Variants in PSMB2 observed in about 807,000 individuals in gnomAD.
PSMB2 encodes proteasome subunit beta type-2.
A neutral mutation model predicts 25.7 loss-of-function variants in PSMB2; 13 were observed. That is an observed-to-expected ratio of 0.51 (90% CI 0.33 to 0.80). The LOEUF (loss-of-function observed/expected upper bound fraction) is 0.80, where lower values mean the gene tolerates loss of function less well. Among genes scored for constraint, PSMB2 ranks in the 30% least tolerant of loss-of-function variants. The pLI is 0.02. For synonymous variants in PSMB2, 87 were observed against 96.2 expected, an observed-to-expected ratio of 0.90 and a Z score of 0.56; for missense variants, 202 against 259.0, an observed-to-expected ratio of 0.78 and a Z score of 1.51.
At chr1:35,627,131 T>C (rs914961442) in intron 3 of PSMB2, among the ~76,000 whole-genome samples, 3 of 151,548 alleles carry the variant, frequency 2.0e-5, no homozygotes, top group Non-Finnish European at 4.4e-5. Flanking sequence ...ACCAGCATGG[T>C]GGCTTGGCGC....
intron 3 of PSMB2, among the ~76,000 whole-genome samples, chr1:35,626,116 G>T (rs1011610192): frequency 5.3e-5 from 8 of 152,150 alleles, no homozygotes; most frequent in African/African-American, 1.9e-4. Flanking sequence ...AGGATTACCG[G>T]CATGAGCCAC....
At chr1:35,608,816 T>C (rs977310736) in intron 4 of PSMB2, among the ~76,000 whole-genome samples, 7 of 152,212 alleles carry the variant, frequency 4.6e-5, no homozygotes, top group African/African-American at 9.7e-5. Flanking sequence ...TGGGGACCTG[T>C]TCATCCTTGC....
At chr1:35,617,594 A>G (rs1025195513) in intron 3 of PSMB2, among the ~76,000 whole-genome samples, 2 of 152,200 alleles carry the variant, frequency 1.3e-5, no homozygotes, top group African/African-American at 4.8e-5. Context: ...TTGTATGAGA[A>G]GCATCATGCG....
At chr1:35,613,240 C>G (rs547179587) in intron 3 of PSMB2, among the ~76,000 whole-genome samples, 2 of 152,338 alleles carry the variant, frequency 1.3e-5, no homozygotes, top group Non-Finnish European at 2.9e-5. Context: ...CAATGCTCCA[C>G]CAAAGATCTC....
Position 35,600,483 on chromosome 1 carries a change from A to G in PSMB2, c.*2784T>C. On this transcript the variant is annotated 3_prime_UTR_variant, in exon 6 of 6. Transcript: ENST00000373237. The stretch of plus-strand genomic sequence containing the variant: ...TATTATCTTTGCAACTTTTCTGTAA[A>G]ACCAAATTTATTCCAAAATAAAACA... 1 of 972,458 alleles carries G rather than the reference A, an allele frequency of 1.0e-6. No homozygotes were observed. Among genetic ancestry groups the G allele is most frequent in the Non-Finnish European group, 1.2e-6 (1 of 818,158 alleles). 60.2% of individuals were successfully genotyped at this position (972,458 alleles called of 1,614,324 possible).
At chr1:35,621,833 T>G (rs1557453160) in intron 3 of PSMB2, among the ~76,000 whole-genome samples, 1 of 151,926 alleles carries the variant, frequency 6.6e-6, no homozygotes, top group African/African-American at 2.4e-5. Context: ...CCATCTCTAC[T>G]AAAAATACAA....
intron 3 of PSMB2, among the ~76,000 whole-genome samples, chr1:35,624,247 T>C (rs1442262798): frequency 6.6e-6 from 1 of 152,182 alleles, no homozygotes; most frequent in Non-Finnish European, 1.5e-5. Flanking sequence ...ATTTGGGGGC[T>C]GGAACAAACC....
At chr1:35,609,466 C>T in intron 3 of PSMB2, 58 bp from the exon 4 acceptor site, 1 of 1,329,824 alleles carries the variant, frequency 7.5e-7, no homozygotes, top group South Asian at 1.8e-5. Context: ...CATCTCTTCC[C>T]ATGGCAAATG....
intron 1 of PSMB2, among the ~76,000 whole-genome samples, chr1:35,638,188 G>A (rs1353923249): frequency 6.6e-6 from 1 of 152,130 alleles, no homozygotes; most frequent in African/African-American, 2.4e-5. Flanking sequence ...TTTAAACACT[G>A]AATATGTCCA....
At chr1:35,630,587 G>A (rs1651060439) in intron 3 of PSMB2, among the ~76,000 whole-genome samples, 1 of 152,214 alleles carries the variant, frequency 6.6e-6, no homozygotes, top group Non-Finnish European at 1.5e-5. Context: ...AAGCCAATCT[G>A]AAAAGGCTGC....
chr1:35,628,432 G>C (rs930072170), intron 3 of PSMB2, among the ~76,000 whole-genome samples: 1 of 151,238 alleles, frequency 6.6e-6, no homozygotes, highest in South Asian at 2.1e-4. Context: ...TGCCTGATAA[G>C]TCAGAGGAAC....
At chr1:35,603,517 A>G (rs1372911749) in intron 5 of PSMB2, 143 bp from the exon 6 acceptor site, 9 of 988,632 alleles carry the variant, frequency 9.1e-6, no homozygotes, top group African/African-American at 3.3e-5. Flanking sequence ...AGTTGGCAGT[A>G]GGGCACTAGT....
At chr1:35,610,170 A>G (rs1324873799) in intron 3 of PSMB2, among the ~76,000 whole-genome samples, 1 of 152,210 alleles carries the variant, frequency 6.6e-6, no homozygotes, top group African/African-American at 2.4e-5. Context: ...TGGGCACAGT[A>G]GCTCACAGGT....
chr1:35,640,059 A>ACT (rs9330259), intron 1 of PSMB2, among the ~76,000 whole-genome samples: 116,818 of 146,298 alleles, frequency 0.8, 46,354 homozygotes, highest in Non-Finnish European at 0.84. Flanking sequence ...TAAGTACTAT[A>ACT]ATATACTATA....
At position 35,640,087 on chromosome 1, in the gene PSMB2, A is replaced by ATACTATACTATACTATACTGTACTG. The variant is rs1553126272; in HGVS notation, c.91+1254_91+1255insCAGTACAGTATAGTATAGTATAGTA. ...ATACTATACTATACTATACTATACT[A>ATACTATACTATACTATACTGTACTG]TACTATACTATACTATCTATACTAA... On this transcript the variant is annotated intron_variant, in intron 1 of 5. Coordinates refer to ENST00000373237, the MANE Select transcript of PSMB2 (RefSeq NM_002794.5). 6.9e-3 allele frequency among the ~76,000 whole-genome samples: 1,051 copies of ATACTATACTATACTATACTGTACTG among 151,768 alleles called. 10 individuals are homozygous for ATACTATACTATACTATACTGTACTG. The highest frequency in any genetic ancestry group is 0.027 in the East Asian group (138 of 5,174).
chr1:35,628,631 A>AT (rs138110586), intron 3 of PSMB2, among the ~76,000 whole-genome samples: 2 of 38,084 alleles, frequency 5.3e-5, no homozygotes, highest in African/African-American at 1.3e-4. Context: ...ATATATATAT[A>AT]TTTTTTTTTT....
At chr1:35,607,174 CA>C (rs1265496810) in intron 4 of PSMB2, among the ~76,000 whole-genome samples, 1 of 151,966 alleles carries the variant, frequency 6.6e-6, no homozygotes, top group Non-Finnish European at 1.5e-5. Context: ...GCAACAAAAG[CA>C]AAAATAAACA....
rs1214578650 is a variant in PSMB2, at chr1:35,599,546, T to C, written c.*3721A>G. 1.1e-5 allele frequency: 11 copies of C among 982,936 alleles called. No homozygotes were observed. The highest frequency in any genetic ancestry group is 1.3e-5 in the Non-Finnish European group (11 of 827,812). 60.9% of individuals were successfully genotyped at this position (982,936 alleles called of 1,614,324 possible). A position where few individuals can be genotyped will look rare whatever the true frequency, so the allele number is the denominator to read the frequency against. ...GAATGACGAGGCCATGTAAATTTAG[T>C]TGGAACACAGGCTTTATGAGGTGTA... On this transcript the variant is annotated 3_prime_UTR_variant, in exon 6 of 6. Coordinates refer to ENST00000373237, the MANE Select transcript of PSMB2 (RefSeq NM_002794.5).
At chr1:35,619,782 A>C (rs1650623540) in intron 3 of PSMB2, among the ~76,000 whole-genome samples, 1 of 152,232 alleles carries the variant, frequency 6.6e-6, no homozygotes, top group Non-Finnish European at 1.5e-5. Flanking sequence ...TAATGAGTTG[A>C]AATGCAACAT....
Sources: allele counts gnomAD v4.1 joint callset (sites outside exome capture counted in the v4.1 genomes callset), GRCh38; gene constraint gnomAD v4.1.1; transcripts MANE v1.5; gene names NCBI Gene and HGNC (gene_info 2026-07-23, HGNC 2026-07-21).